The following MMD variants were observed in gnomAD, a reference collection of about 807,000 sequenced individuals.
MMD encodes monocyte to macrophage differentiation factor.
A neutral mutation model predicts 33.6 loss-of-function variants in MMD; 22 were observed. The ratio of observed to expected loss-of-function variants is 0.66; its 90% CI spans 0.47 to 0.94. The LOEUF is 0.94. Ranked by LOEUF, MMD falls within the 40% of genes least tolerant of loss-of-function variation. The probability of loss-of-function intolerance (pLI) is 0.00; values close to 1 mark genes in which losing one functional copy is unlikely to be tolerated. For missense variants in MMD, 242 were observed against 309.8 expected, an observed-to-expected ratio of 0.78 and a Z score of 1.64; for synonymous variants, 97 against 103.2, an observed-to-expected ratio of 0.94 and a Z score of 0.36.
At chr17:55,415,292 T>A (rs955247535) in intron 1 of MMD, among the ~76,000 whole-genome samples, 10 of 150,954 alleles carry the variant, frequency 6.6e-5, no homozygotes, top group East Asian at 1.9e-4. Flanking sequence ...AAAAAAAAAA[T>A]TTCAACAGCA....
intron 5 of MMD, among the ~76,000 whole-genome samples, chr17:55,403,105 A>T (rs1256070842): frequency 6.6e-6 from 1 of 152,258 alleles, no homozygotes; most frequent in African/African-American, 2.4e-5. Context: ...CCTAATTTCC[A>T]GATGAGTCAC....
At chr17:55,407,306 A>C (rs1437900248) in intron 4 of MMD, among the ~76,000 whole-genome samples, 4 of 96,854 alleles carry the variant, frequency 4.1e-5, no homozygotes, top group African/African-American at 1.5e-4. Flanking sequence ...CTCAAAATAA[A>C]TAAATAAATA....
chr17:55,411,769 T>C (rs1406480351), intron 2 of MMD, among the ~76,000 whole-genome samples: 2 of 152,114 alleles, frequency 1.3e-5, no homozygotes, highest in African/African-American at 2.4e-5. Flanking sequence ...TTAGAGTAAT[T>C]ACTTAAAATA....
At chr17:55,415,896 A>G (rs1907952528) in intron 1 of MMD, among the ~76,000 whole-genome samples, 1 of 152,268 alleles carries the variant, frequency 6.6e-6, no homozygotes, top group South Asian at 2.1e-4. Context: ...ATAGTTAACT[A>G]TTATTAAGCA....
chr17:55,420,891 C>T (rs934755594), intron 1 of MMD, among the ~76,000 whole-genome samples: 2 of 152,128 alleles, frequency 1.3e-5, no homozygotes, highest in African/African-American at 4.8e-5. Context: ...CACGGCGCCC[C>T]CCAGCCCGGC....
At chr17:55,414,447 C>T (rs917241767) in intron 1 of MMD, among the ~76,000 whole-genome samples, 1 of 151,914 alleles carries the variant, frequency 6.6e-6, no homozygotes, top group African/African-American at 2.4e-5. Context: ...ATTAAGCCTT[C>T]TTTCAGTTTA....
At chr17:55,396,828 G>A (rs1462807332) in intron 6 of MMD, among the ~76,000 whole-genome samples, 1 of 151,832 alleles carries the variant, frequency 6.6e-6, no homozygotes, top group East Asian at 1.9e-4. Flanking sequence ...TGTCGGTCAG[G>A]CTGGTCTCGA....
intron 1 of MMD, chr17:55,420,507 A>G (rs1355738479): frequency 6.6e-6 from 1 of 152,062 alleles, no homozygotes; most frequent in Non-Finnish European, 1.5e-5. Context: ...TCTTCTGTGC[A>G]TTTGTTGCCT....
At chr17:55,421,202 T>C (rs1598437702) in intron 1 of MMD, among the ~76,000 whole-genome samples, 1 of 152,014 alleles carries the variant, frequency 6.6e-6, no homozygotes, top group Admixed American at 6.5e-5. Flanking sequence ...GACAAATCTC[T>C]CCGCAGGGCG....
Position 55,421,020 on chromosome 17 carries a change from C to T in MMD, c.26+650G>A, listed in dbSNP as rs553499627. Among the ~76,000 whole-genome samples the T allele has an allele frequency of 3.9e-5, 6 of 152,330 alleles. No individual in the cohort carries two copies. The East Asian group carries it at 7.7e-4, about 20-fold the overall frequency. On this transcript the variant is annotated intron_variant, in intron 1 of 6. Coordinates refer to ENST00000262065, the MANE Select transcript of MMD (RefSeq NM_012329.3). ...CACAGCAGGTCTCGCCACCCGAAAGCTAACATGCCCCTTCGCAGAGCCCAA... is the reference window on the plus strand; with the variant it reads ...CACAGCAGGTCTCGCCACCCGAAAGTTAACATGCCCCTTCGCAGAGCCCAA...
chr17:55,408,995 T>C (rs1567849449), intron 3 of MMD, among the ~76,000 whole-genome samples: 1 of 152,080 alleles, frequency 6.6e-6, no homozygotes, highest in African/African-American at 2.4e-5. Context: ...AGTGATAGTC[T>C]GTCTCAAAAA....
At chr17:55,406,019 C>G (rs1178691916) in intron 4 of MMD, among the ~76,000 whole-genome samples, 3 of 152,320 alleles carry the variant, frequency 2.0e-5, no homozygotes, top group African/African-American at 7.2e-5. Context: ...AAATGGTTCT[C>G]TTACTCAGCA....
intron 6 of MMD, among the ~76,000 whole-genome samples, chr17:55,396,964 T>C (rs1474482197): frequency 6.6e-6 from 1 of 152,190 alleles, no homozygotes; most frequent in Non-Finnish European, 1.5e-5. Flanking sequence ...CTCATCACAA[T>C]GTACCTTTAT....
At position 55,411,374 on chromosome 17, in the gene MMD, C is replaced by T. The variant is rs369789860; in HGVS notation, c.152G>A (p.Arg51Gln). Residue 51 changes from arginine to glutamine, a missense_variant, in exon 3 of 7, where the codon CGG (arginine) becomes CAG (glutamine). By Grantham distance (43) the Arg-to-Gln change is conservative. Coordinates refer to ENST00000262065, the MANE Select transcript of MMD (RefSeq NM_012329.3). ...PAIVGSALLH[R>Q]LSDDCWEKIT... ...CTTTTCCCAGCAGTCATCAGACAGCCGATGGAGGAGGGCACTGCCCACGAT... is the reference window on the plus strand; with the variant it reads ...CTTTTCCCAGCAGTCATCAGACAGCTGATGGAGGAGGGCACTGCCCACGAT... The T allele has an allele frequency of 1.5e-5, 24 of 1,613,844 alleles. No individual in the cohort carries two copies. Among genetic ancestry groups the T allele is most frequent in the African/African-American group, 6.7e-5 (5 of 74,894 alleles).
intron 4 of MMD, among the ~76,000 whole-genome samples, chr17:55,405,248 T>A (rs889611621): frequency 6.6e-6 from 1 of 151,828 alleles, no homozygotes; most frequent in African/African-American, 2.4e-5. Flanking sequence ...CACGTGCCTG[T>A]AATCCCAGCT....
At chr17:55,412,115 G>T (rs946652364) in intron 2 of MMD, among the ~76,000 whole-genome samples, 3 of 152,106 alleles carry the variant, frequency 2.0e-5, no homozygotes, top group African/African-American at 7.2e-5. Flanking sequence ...TTTCAGGGAG[G>T]TCCTCATTTT....
At position 55,403,953 on chromosome 17, in the gene MMD, T is replaced by G. The variant is rs1217631469; in HGVS notation, c.345-85A>C. The G allele has an allele frequency of 6.4e-6, 7 of 1,093,572 alleles. No homozygotes were observed. The Admixed American group carries it at 1.5e-4, about 23-fold the overall frequency. The allele number at this position is 1,093,572 out of a possible 1,614,324, so 67.7% of individuals were successfully genotyped here. A position where few individuals can be genotyped will look rare whatever the true frequency, so the allele number is the denominator to read the frequency against. ...CCTGTGTCATTGAAAACTGAGAAAG[T>G]CTTAGGATAAGAGCAGGAAGAAAAC... On this transcript the variant is annotated intron_variant, in intron 4 of 6. Transcript: ENST00000262065.
intron 3 of MMD, among the ~76,000 whole-genome samples, chr17:55,410,641 T>C (rs758936172): frequency 1.5e-4 from 23 of 152,226 alleles, no homozygotes; most frequent in Non-Finnish European, 3.1e-4. Context: ...ACACAAGACT[T>C]AATTCTGAAA....
At chr17:55,401,367 T>C in intron 6 of MMD, 102 bp downstream of exon 6, 1 of 1,000,362 alleles carries the variant, frequency 1.0e-6, no homozygotes, top group Non-Finnish European at 1.5e-6. Context: ...CTCTATTTAA[T>C]GGACATAACT....
Sources: allele counts gnomAD v4.1 joint callset (sites outside exome capture counted in the v4.1 genomes callset), GRCh38; gene constraint gnomAD v4.1.1; transcripts MANE v1.5; gene names NCBI Gene and HGNC (gene_info 2026-07-23, HGNC 2026-07-21).